Variants in MORC1 observed in about 807,000 individuals in gnomAD.
MORC1 encodes MORC family CW-type zinc finger protein 1.
A neutral mutation model predicts 134.9 loss-of-function variants in MORC1; 59 were observed. That is an observed-to-expected ratio of 0.44 (90% confidence interval 0.35 to 0.54). MORC1 has a LOEUF of 0.54. Ranked by LOEUF, MORC1 falls within the 20% of genes least tolerant of loss-of-function variation. The probability of loss-of-function intolerance (pLI) is 0.00; values close to 1 mark genes in which losing one functional copy is unlikely to be tolerated. For missense variants in MORC1, 947 were observed against 1,134.5 expected (o/e 0.83, Z 2.37); for synonymous variants, 395 against 391.7 (o/e 1.01, Z -0.10).
At chr3:109,110,902 TTC>T in intron 2 of MORC1, 119 bp from the exon 3 acceptor site, 1 of 679,894 alleles carries the variant, frequency 1.5e-6, no homozygotes, top group Non-Finnish European at 2.4e-6. Context: ...CAAAATCAAT[TTC>T]TAAAACGTTT....
intron 14 of MORC1, among the ~76,000 whole-genome samples, chr3:109,044,959 A>G (rs1459983442): frequency 1.3e-5 from 2 of 150,482 alleles, no homozygotes; most frequent in African/African-American, 4.9e-5. Flanking sequence ...AAAAAAAAAA[A>G]AGAAAAAGAA....
intron 1 of MORC1, among the ~76,000 whole-genome samples, chr3:109,115,116 T>C (rs1309974336): frequency 6.6e-6 from 1 of 152,218 alleles, no homozygotes; most frequent in Admixed American, 6.5e-5. Flanking sequence ...TGCTTGCTTC[T>C]CATGTCCTGA....
intron 8 of MORC1, among the ~76,000 whole-genome samples, chr3:109,087,113 T>C (rs1334490632): frequency 6.6e-6 from 1 of 152,030 alleles, no homozygotes; most frequent in Non-Finnish European, 1.5e-5. Context: ...AGCTCCTCCC[T>C]TCATTCCCAC....
At chr3:109,059,899 C>T (rs1360707831) in intron 11 of MORC1, 29 bp from the exon 12 acceptor site, 12 of 1,581,762 alleles carry the variant, frequency 7.6e-6, no homozygotes, top group African/African-American at 6.8e-5. Context: ...TGGGAGAGAA[C>T]ATAATGCCAC....
chr3:109,096,929 T>C (rs1304499419), intron 6 of MORC1, among the ~76,000 whole-genome samples: 1 of 151,700 alleles, frequency 6.6e-6, no homozygotes, highest in East Asian at 1.9e-4. Flanking sequence ...GCTAAGAAAA[T>C]TAGAGAACCA....
intron 23 of MORC1, among the ~76,000 whole-genome samples, chr3:108,981,793 T>C (rs972216601): frequency 4.6e-5 from 7 of 152,224 alleles, no homozygotes; most frequent in Middle Eastern, 3.4e-3. Flanking sequence ...TCCATTAAGA[T>C]TGTTTTTCCC....
chr3:108,986,372 C>A (rs1171220698), intron 22 of MORC1, among the ~76,000 whole-genome samples: 1 of 152,032 alleles, frequency 6.6e-6, no homozygotes, highest in Non-Finnish European at 1.5e-5. Flanking sequence ...AAACTTCATG[C>A]CTTAAATAAG....
chr3:109,100,523 AC>A lies in MORC1; in HGVS notation c.224-17del. On this transcript the variant is annotated splice_polypyrimidine_tract_variant and intron_variant, in intron 4 of 27. Transcript: ENST00000232603. The stretch of plus-strand genomic sequence containing the variant: ...GAAGCTTCCTCTGTAATTGACAGTG[AC>A]TTTTAAGGTGGTTAGGAAGACTCTT... The A allele has an allele frequency of 6.3e-7, 1 of 1,593,026 alleles. No homozygotes were observed. The highest frequency in any genetic ancestry group is 8.6e-7 in the Non-Finnish European group (1 of 1,161,222).
rs187385482 is a variant in MORC1 at position 109,077,285 on chromosome 3, T to C, written c.690-7528A>G. 4.1e-4 allele frequency among the ~76,000 whole-genome samples: 62 copies of C among 152,228 alleles called. No homozygotes were observed. In the South Asian group the frequency reaches 4.4e-3, roughly 11 times the overall value. ...TGACTAATAAATCCAAGAAAGAAGA[T>C]ACAGGATGGAAGATATAGTAGTAAA... On this transcript the variant is annotated intron_variant, in intron 8 of 27. Transcript: ENST00000232603.
chr3:109,042,713 C>T (rs187132703), intron 14 of MORC1, among the ~76,000 whole-genome samples: 2 of 152,220 alleles, frequency 1.3e-5, no homozygotes, highest in East Asian at 3.9e-4. Context: ...GGTTTCAGAA[C>T]ATGTGGTACC....
chr3:109,029,059 A>T (rs1304001191), intron 16 of MORC1, among the ~76,000 whole-genome samples: 1 of 152,168 alleles, frequency 6.6e-6, no homozygotes, highest in Non-Finnish European at 1.5e-5. Context: ...GTGAGGGAAA[A>T]GGGAGGCAGA....
intron 9 of MORC1, among the ~76,000 whole-genome samples, chr3:109,066,265 G>A (rs972107971): frequency 6.6e-6 from 1 of 151,636 alleles, no homozygotes; most frequent in Non-Finnish European, 1.5e-5. Context: ...AGCTCCATGA[G>A]AGCAGGAATT....
At chr3:109,089,527 G>T (rs547883638) in intron 8 of MORC1, among the ~76,000 whole-genome samples, 1 of 152,180 alleles carries the variant, frequency 6.6e-6, no homozygotes, top group South Asian at 2.1e-4. Context: ...TTAATCATCT[G>T]TATGACTGTA....
chr3:109,021,644 T>C (rs957282114), intron 17 of MORC1, among the ~76,000 whole-genome samples: 3 of 152,202 alleles, frequency 2.0e-5, no homozygotes, highest in Non-Finnish European at 4.4e-5. Flanking sequence ...GCTGAGAATA[T>C]CCTGAGTTCC....
rs1167662665 is a variant in MORC1 at position 108,979,491 on chromosome 3, AAATATG to A, written c.2477+18_2477+23del. On this transcript the variant is annotated intron_variant, in intron 24 of 27. Coordinates refer to ENST00000232603, the MANE Select transcript of MORC1 (RefSeq NM_014429.4). ...TTAGAAAGTTAAACAAAGCATGTGG[AAATATG>A]TGAGTAAATATCTTTACCTTAACTT... 9.9e-6 allele frequency: 16 copies of A among 1,610,884 alleles called. No individual in the cohort carries two copies. Among genetic ancestry groups the A allele is most frequent in the Non-Finnish European group, 1.3e-5 (15 of 1,177,890 alleles).
At chr3:109,005,030 A>G (rs1275727150) in intron 19 of MORC1, 40 bp downstream of exon 19, 5 of 1,586,262 alleles carry the variant, frequency 3.2e-6, no homozygotes, top group Non-Finnish European at 4.3e-6. Context: ...TATTTCCAGA[A>G]TGAGTGAATT....
At chr3:108,997,135 T>G (rs977594508) in intron 21 of MORC1, among the ~76,000 whole-genome samples, 1 of 150,520 alleles carries the variant, frequency 6.6e-6, no homozygotes, top group African/African-American at 2.5e-5. Context: ...GCATGTTAAA[T>G]GGGAGGCATG....
chr3:109,114,515 C>T, intron 1 of MORC1, 78 bp from the exon 2 acceptor site: 1 of 1,255,130 alleles, frequency 8.0e-7, no homozygotes, highest in East Asian at 2.4e-5. Context: ...TTCTTGCAGA[C>T]AAACGTTCTC....
At chr3:109,114,046 C>T (rs113808445) in intron 2 of MORC1, among the ~76,000 whole-genome samples, 10 of 152,148 alleles carry the variant, frequency 6.6e-5, no homozygotes, top group African/African-American at 7.2e-5. Flanking sequence ...TTTGCTTCTA[C>T]GCAGACTTCA....
Sources: allele counts gnomAD v4.1 joint callset (sites outside exome capture counted in the v4.1 genomes callset), GRCh38; gene constraint gnomAD v4.1.1; transcripts MANE v1.5; gene names NCBI Gene and HGNC (gene_info 2026-07-23, HGNC 2026-07-21).